ZNF385D: variants seen among roughly 807,000 people sequenced by gnomAD.
The protein encoded by ZNF385D is zinc finger protein 659.
Under a neutral mutation model 35.8 loss-of-function variants are expected in ZNF385D, and 15 were observed. The ratio of observed to expected loss-of-function variants is 0.42; its 90% CI spans 0.28 to 0.64. The LOEUF (loss-of-function observed/expected upper bound fraction) is 0.64. Ranked by LOEUF, ZNF385D falls within the 30% of genes least tolerant of loss-of-function variation. The pLI, the probability that ZNF385D is intolerant of heterozygous loss-of-function variation, is 0.23. For synonymous variants in ZNF385D, 212 were observed against 186.8 expected (o/e 1.13, Z -1.10); for missense variants, 474 against 494.6 (o/e 0.96, Z 0.39).
At position 21,564,563 on chromosome 3, in the gene ZNF385D, G is replaced by A; in HGVS notation, c.276+11C>T. 6.8e-7 allele frequency: 1 copy of A among 1,473,368 alleles called. No homozygotes were observed. The highest frequency in any genetic ancestry group is 9.1e-7 in the Non-Finnish European group (1 of 1,096,032). The allele number at this position is 1,473,368 out of a possible 1,614,324, so 91.3% of individuals were successfully genotyped here. On this transcript the variant is annotated intron_variant, in intron 3 of 7. Coordinates refer to ENST00000281523, the MANE Select transcript of ZNF385D (RefSeq NM_024697.3). Reference sequence around the variant, plus strand: ...TTTTTTTTTTAAGTGAACACTAAATGATAAACTTACATCAGAATTAAATCT... The same window carrying A: ...TTTTTTTTTTAAGTGAACACTAAATAATAAACTTACATCAGAATTAAATCT...
At chr3:22,108,409 A>G (rs905659459) in intron 3 of ZNF385D, among the ~76,000 whole-genome samples, 1 of 151,828 alleles carries the variant, frequency 6.6e-6, no homozygotes, top group South Asian at 2.1e-4. Flanking sequence ...AAACTTCCTT[A>G]AGAGGAAAGA....
intron 3 of ZNF385D, among the ~76,000 whole-genome samples, chr3:21,968,111 G>T (rs1680550838): frequency 6.6e-6 from 1 of 152,084 alleles, no homozygotes; most frequent in African/African-American, 2.4e-5. Context: ...GGGAGAGAGA[G>T]GAAAGGGATT....
chr3:22,071,221 C>T lies in ZNF385D; in HGVS notation c.325+97596G>A, dbSNP rs929462405. On this transcript the variant is annotated intron_variant, in intron 3 of 5. Transcript: ENST00000494108. ...AGCTAAATTCATAATATTTGACATA[C>T]AAATAATATCCCAAAGGTTCCAACT... is the stretch of plus-strand genomic sequence containing the variant. Among the ~76,000 whole-genome samples, 5 of 152,128 alleles carry T rather than the reference C, an allele frequency of 3.3e-5. No homozygotes were observed. In the East Asian group the frequency reaches 9.6e-4, roughly 29 times the overall value.
chr3:22,320,310 G>A (rs1423710160), intron 2 of ZNF385D, among the ~76,000 whole-genome samples: 2 of 152,016 alleles, frequency 1.3e-5, no homozygotes, highest in Non-Finnish European at 2.9e-5. Context: ...TCTAGTAAGG[G>A]GAAAGACAAA....
chr3:21,592,235 A>C (rs1490945761), intron 2 of ZNF385D, among the ~76,000 whole-genome samples: 1 of 152,128 alleles, frequency 6.6e-6, no homozygotes, highest in Non-Finnish European at 1.5e-5. Flanking sequence ...GCTGGTTTCC[A>C]CATTCTTGCT....
At chr3:22,001,809 A>G (rs13092606) in intron 3 of ZNF385D, among the ~76,000 whole-genome samples, 16,373 of 152,022 alleles carry the variant, frequency 0.11, 1,183 homozygotes, top group South Asian at 0.26. Flanking sequence ...GCCACCTGAA[A>G]ACTATATAAA....
chr3:22,308,739 G>C (rs1230150210), intron 2 of ZNF385D, among the ~76,000 whole-genome samples: 1 of 151,922 alleles, frequency 6.6e-6, no homozygotes, highest in Non-Finnish European at 1.5e-5. Flanking sequence ...GGCCAAAAGA[G>C]GCCATATTGC....
intron 2 of ZNF385D, among the ~76,000 whole-genome samples, chr3:22,223,146 C>G (rs1401215337): frequency 6.6e-6 from 1 of 152,038 alleles, no homozygotes; most frequent in Non-Finnish European, 1.5e-5. Context: ...TTTCTCATAG[C>G]CCTCCTTCAG....
intron 2 of ZNF385D, among the ~76,000 whole-genome samples, chr3:22,296,785 T>G (rs1160264314): frequency 6.6e-6 from 1 of 152,132 alleles, no homozygotes. Flanking sequence ...GCATAGTGTC[T>G]GTCTTGAGCA....
At chr3:21,668,827 C>T (rs148054750) in intron 1 of ZNF385D, among the ~76,000 whole-genome samples, 3,698 of 152,192 alleles carry the variant, frequency 0.024, 75 homozygotes, top group Non-Finnish European at 0.033. Context: ...ATAGCTATTT[C>T]GTTTTCCCAT....
intron 2 of ZNF385D, among the ~76,000 whole-genome samples, chr3:22,277,546 C>T (rs9310689): frequency 9.2e-5 from 14 of 151,934 alleles, no homozygotes; most frequent in South Asian, 8.3e-4. Context: ...TAGTATCAAA[C>T]GAATTAAAGC....
chr3:22,236,510 A>C (rs1699193887), intron 2 of ZNF385D, among the ~76,000 whole-genome samples: 1 of 152,136 alleles, frequency 6.6e-6, no homozygotes, highest in Non-Finnish European at 1.5e-5. Context: ...GAAAATTTTT[A>C]ATTACAGTAT....
intron 3 of ZNF385D, among the ~76,000 whole-genome samples, chr3:22,083,162 C>T (rs539338976): frequency 9.2e-5 from 14 of 152,176 alleles, no homozygotes; most frequent in South Asian, 2.1e-4. Flanking sequence ...AAAACCAAAG[C>T]GCCTCTTCTT....
At chr3:22,050,388 A>C (rs985859151) in intron 3 of ZNF385D, among the ~76,000 whole-genome samples, 8 of 152,100 alleles carry the variant, frequency 5.3e-5, no homozygotes, top group African/African-American at 1.9e-4. Flanking sequence ...ACAAACAAAA[A>C]AACCACCACC....
At chr3:22,214,190 A>G (rs1697705973) in intron 2 of ZNF385D, among the ~76,000 whole-genome samples, 1 of 152,102 alleles carries the variant, frequency 6.6e-6, no homozygotes, top group South Asian at 2.1e-4. Context: ...CTTTACTGCA[A>G]TCTCTGAACA....
At position 21,946,675 on chromosome 3, in the gene ZNF385D, T is replaced by A. The variant is rs140852695; in HGVS notation, c.325+222142A>T. The stretch of plus-strand genomic sequence containing the variant: ...GGTGAAACTCCGTCTCTATTAAAAC[T>A]ACAAATATTAGCCAGGTGTGGTAGC... On this transcript the variant is annotated intron_variant, in intron 3 of 5. Coordinates refer to the ZNF385D transcript ENST00000494108. 7.2e-5 allele frequency among the ~76,000 whole-genome samples: 11 copies of A among 152,110 alleles called. No individual in the cohort carries two copies. The East Asian group carries it at 2.1e-3, about 30-fold the overall frequency.
At chr3:21,655,050 G>A (rs1412008643) in intron 2 of ZNF385D, among the ~76,000 whole-genome samples, 1 of 151,890 alleles carries the variant, frequency 6.6e-6, no homozygotes, top group Non-Finnish European at 1.5e-5. Context: ...TTGGCCATGA[G>A]GTAGAACACA....
chr3:22,194,915 T>C (rs1045666106), intron 2 of ZNF385D, among the ~76,000 whole-genome samples: 2 of 151,972 alleles, frequency 1.3e-5, no homozygotes, highest in African/African-American at 4.8e-5. Flanking sequence ...ACTAGCGTTT[T>C]TCCAAATTTT....
At chr3:22,004,719 A>G (rs538478702) in intron 3 of ZNF385D, among the ~76,000 whole-genome samples, 3 of 152,170 alleles carry the variant, frequency 2.0e-5, no homozygotes, top group Admixed American at 6.5e-5. Context: ...AGATAAATGC[A>G]TATCTCCTCC....
Sources: allele counts gnomAD v4.1 joint callset (sites outside exome capture counted in the v4.1 genomes callset), GRCh38; gene constraint gnomAD v4.1.1; transcripts MANE v1.5; gene names NCBI Gene and HGNC (gene_info 2026-07-23, HGNC 2026-07-21).